The following TTYH2 variants were observed in gnomAD, a reference collection of about 807,000 sequenced individuals.
The protein encoded by TTYH2 is protein tweety homolog 2.
TTYH2 carries 49 observed loss-of-function variants against 68.3 expected under a neutral mutation model. That is an observed-to-expected ratio of 0.72 (90% CI 0.57 to 0.91). TTYH2 has a LOEUF of 0.91. TTYH2 is among the 40% of genes least tolerant of loss of function. The probability of loss-of-function intolerance (pLI) is 0.00; values close to 1 mark genes in which losing one functional copy is unlikely to be tolerated. For missense variants in TTYH2, 631 were observed against 700.4 expected, an observed-to-expected ratio of 0.90 and a Z score of 1.12; for synonymous variants, 272 against 300.8, an observed-to-expected ratio of 0.90 and a Z score of 0.99.
rs747349418 is a variant in TTYH2, at chr17:74,260,168, G to A, written c.1564G>A (p.Asp522Asn). Residue 522 changes from aspartate to asparagine, a missense_variant, in exon 14 of 14, where the codon GAT (aspartate) becomes AAT (asparagine). Transcript: ENST00000269346. ...SMRATYLSVA[D>N]EHLRHYGNQF... The stretch of plus-strand genomic sequence containing the variant: ...GAGAGCCACCTACCTGTCTGTGGCG[G>A]ATGAGCACCTGAGGCACTACGGGAA... 1 of 1,613,962 alleles carries A rather than the reference G, an allele frequency of 6.2e-7. No individual in the cohort carries two copies. Among genetic ancestry groups the A allele is most frequent in the Non-Finnish European group, 8.5e-7 (1 of 1,179,906 alleles).
intron 3 of TTYH2, among the ~76,000 whole-genome samples, chr17:74,235,206 TGTGAAGTCC>T (rs1485760353): frequency 2.6e-5 from 4 of 152,206 alleles, no homozygotes; most frequent in Non-Finnish European, 4.4e-5. Context: ...ACACAGCTGA[TGTGAAGTCC>T]CCATAACACA....
At chr17:74,229,733 T>C (rs957064153) in intron 2 of TTYH2, among the ~76,000 whole-genome samples, 5 of 152,186 alleles carry the variant, frequency 3.3e-5, no homozygotes, top group African/African-American at 1.2e-4. Context: ...GAATCTTAAA[T>C]CCATATTACT....
At position 74,260,431 on chromosome 17, in the gene TTYH2, G is replaced by GC. The variant is rs2050738467; in HGVS notation, c.*227dup. The GC allele has an allele frequency of 1.8e-6, 1 of 557,978 alleles. No homozygotes were observed. The highest frequency in any genetic ancestry group is 3.2e-6 in the Non-Finnish European group (1 of 310,636). The allele number at this position is 557,978 out of a possible 1,614,324, so 34.6% of individuals were successfully genotyped here. A position where few individuals can be genotyped will look rare whatever the true frequency, so the allele number is the denominator to read the frequency against. ...TTGCCCTGCTCTCCACACCAGAAAT[G>GC]CCCCCAGGTGCTTGGCTGCCTCAGA... On this transcript the variant is annotated 3_prime_UTR_variant, in exon 14 of 14. Coordinates refer to ENST00000269346, the MANE Select transcript of TTYH2 (RefSeq NM_032646.6).
At chr17:74,250,413 C>T (rs990775222) in intron 10 of TTYH2, 56 bp downstream of exon 10, 1 of 1,462,924 alleles carries the variant, frequency 6.8e-7, no homozygotes, top group Non-Finnish European at 9.4e-7. Context: ...GCAGGCCACA[C>T]CTTCCAGAGA....
chr17:74,242,314 C>T lies in TTYH2; in HGVS notation c.636-1060C>T, dbSNP rs775965935. 5.9e-5 allele frequency among the ~76,000 whole-genome samples: 9 copies of T among 152,206 alleles called. No homozygotes were observed. The South Asian group carries it at 8.3e-4, about 14-fold the overall frequency. On this transcript the variant is annotated intron_variant, in intron 4 of 13. Coordinates refer to ENST00000269346, the MANE Select transcript of TTYH2 (RefSeq NM_032646.6). ...CACTGAGCCCTCTGATGGTCAGAAACGAGCCCACTCACCTGGGTATCCCTG... is the reference window on the plus strand; with the variant it reads ...CACTGAGCCCTCTGATGGTCAGAAATGAGCCCACTCACCTGGGTATCCCTG...
intron 10 of TTYH2, 159 bp from the exon 11 acceptor site, chr17:74,252,075 G>C (rs1320981432): frequency 2.4e-6 from 2 of 838,984 alleles, no homozygotes; most frequent in East Asian, 4.9e-5. Context: ...TTAGGCTCCA[G>C]AGTGTGGACC....
In TTYH2 at chr17:74,253,165, A is replaced by G; in HGVS notation, c.1344A>G (p.Gly448=). 4.3e-6 allele frequency: 7 copies of G among 1,613,956 alleles called. No individual in the cohort carries two copies. Among genetic ancestry groups the G allele is most frequent in the Non-Finnish European group, 5.9e-6 (7 of 1,179,970 alleles). ...TGGCGGCTCACAGTCCCCCGAGGGG[A>G]CAGCTTCACAGCTTCTGCAGCTACA... ...WRMAAHSPPR[G]QLHSFCSYSS... is the part of the protein sequence containing the mutation. The change falls in exon 12 of 14, where the codon GGA becomes GGG. Residue 448 remains glycine, a synonymous_variant. Coordinates refer to ENST00000269346, the MANE Select transcript of TTYH2 (RefSeq NM_032646.6).
Position 74,252,031 on chromosome 17 carries a change from T to G in TTYH2, c.1117-203T>G, listed in dbSNP as rs780986771. 6 of 623,478 alleles carry G rather than the reference T, an allele frequency of 9.6e-6. No homozygotes were observed. In the South Asian group the frequency reaches 1.2e-4, roughly 12 times the overall value. The allele number at this position is 623,478 out of a possible 1,614,324, so 38.6% of individuals were successfully genotyped here. On this transcript the variant is annotated intron_variant, in intron 10 of 13. Transcript: ENST00000269346. ...CAGCTCACAGTAAGTGCTCAGCAAA[T>G]GTTTCCAGCGTGAACCCAAGAAGCC... is the stretch of plus-strand genomic sequence containing the variant.
chr17:74,223,795 T>C (rs1409723874), intron 2 of TTYH2, among the ~76,000 whole-genome samples: 1 of 152,154 alleles, frequency 6.6e-6, no homozygotes, highest in Non-Finnish European at 1.5e-5. Flanking sequence ...CTGGTCAGCC[T>C]GGGGGTGAGG....
At chr17:74,259,216 GT>G (rs902933795) in intron 13 of TTYH2, among the ~76,000 whole-genome samples, 5 of 148,946 alleles carry the variant, frequency 3.4e-5, no homozygotes, top group African/African-American at 7.3e-5. Context: ...TGTGGTCTTT[GT>G]TTTTTTTTAA....
Position 74,261,609 on chromosome 17 carries a change from G to A in TTYH2, c.*1400G>A, listed in dbSNP as rs1464450866. 6.6e-6 allele frequency: 1 copy of A among 152,592 alleles called. No individual in the cohort carries two copies. Among genetic ancestry groups the A allele is most frequent in the Non-Finnish European group, 1.5e-5 (1 of 68,058 alleles). The allele number at this position is 152,592 out of a possible 1,614,324, so 9.5% of individuals were successfully genotyped here. On this transcript the variant is annotated 3_prime_UTR_variant, in exon 14 of 14. Transcript: ENST00000269346. ...CCAACCTGGAGTTCACAACACCAGAGCCCCACGGCCTCGCACACTGAAGCA... is the reference window on the plus strand; with the variant it reads ...CCAACCTGGAGTTCACAACACCAGAACCCCACGGCCTCGCACACTGAAGCA...
intron 11 of TTYH2, 72 bp downstream of exon 11, chr17:74,252,448 GC>G: frequency 6.5e-7 from 1 of 1,546,996 alleles, no homozygotes; most frequent in Non-Finnish European, 8.7e-7. Flanking sequence ...AGGGGCCTCT[GC>G]TCTACGATTT....
In TTYH2 at chr17:74,253,563, A is replaced by G. The variant is rs2050660092; in HGVS notation, c.1446-192A>G. Among the ~76,000 whole-genome samples the G allele has an allele frequency of 2.0e-5, 3 of 152,156 alleles. No homozygotes were observed. In the South Asian group the frequency reaches 6.2e-4, roughly 32 times the overall value. On this transcript the variant is annotated intron_variant, in intron 12 of 13. Coordinates refer to ENST00000269346, the MANE Select transcript of TTYH2 (RefSeq NM_032646.6). ...ATGCTGCTCCCAGCCTCCGTTGCCCATCAGCCACTTGTCCCCAGGCTTCCC... is the reference window on the plus strand; with the variant it reads ...ATGCTGCTCCCAGCCTCCGTTGCCCGTCAGCCACTTGTCCCCAGGCTTCCC...
chr17:74,219,382 C>T (rs981852801), intron 1 of TTYH2, among the ~76,000 whole-genome samples: 1 of 110,080 alleles, frequency 9.1e-6, no homozygotes, highest in South Asian at 2.2e-4. Flanking sequence ...AGCAAGACTC[C>T]GTGTCAAAAA....
chr17:74,243,419 C>T lies in TTYH2; in HGVS notation c.681C>T (p.Cys227=), dbSNP rs746749800. The T allele has an allele frequency of 6.2e-7, 1 of 1,614,230 alleles. No homozygotes were observed. Among genetic ancestry groups the T allele is most frequent in the South Asian group, 1.1e-5 (1 of 91,088 alleles). The change falls in exon 5 of 14, where the codon TGC becomes TGT. Residue 227 remains cysteine, a synonymous_variant. Transcript: ENST00000269346. ...LLLFILDLVI[C]LIACLGLAKR... ...TCTTTATCCTGGACCTGGTCATCTGCCTCATTGCCTGCCTGGGACTGGCCA... is the reference window on the plus strand; with the variant it reads ...TCTTTATCCTGGACCTGGTCATCTGTCTCATTGCCTGCCTGGGACTGGCCA...
chr17:74,251,237 T>TG (rs1417454830), intron 10 of TTYH2, among the ~76,000 whole-genome samples: 45 of 150,700 alleles, frequency 3.0e-4, no homozygotes, highest in African/African-American at 1.0e-3. Context: ...TGTATGTGTG[T>TG]GTGGGGTGTG....
chr17:74,258,321 A>G (rs1419821723), intron 13 of TTYH2, among the ~76,000 whole-genome samples: 1 of 151,408 alleles, frequency 6.6e-6, no homozygotes, highest in African/African-American at 2.4e-5. Context: ...GCTGGAGTGC[A>G]GTGGCATAAT....
intron 2 of TTYH2, among the ~76,000 whole-genome samples, chr17:74,226,699 A>T: frequency 6.6e-6 from 1 of 152,158 alleles, no homozygotes; most frequent in Non-Finnish European, 1.5e-5. Context: ...AAAGACCAAC[A>T]AGGGGTTCCT....
chr17:74,219,232 CA>C (rs1432323917), intron 1 of TTYH2, among the ~76,000 whole-genome samples: 1 of 137,204 alleles, frequency 7.3e-6, no homozygotes, highest in Non-Finnish European at 1.5e-5. Context: ...AAAAAAAGTA[CA>C]AAAAAATTAG....
Sources: gnomAD v4.1 joint callset for allele counts (sites outside exome capture counted in the v4.1 genomes callset) on GRCh38, gnomAD v4.1.1 for gene constraint, MANE v1.5 for transcripts, NCBI Gene and HGNC (gene_info 2026-07-23, HGNC 2026-07-21) for gene names.